EPAS1: variants seen among roughly 807,000 people sequenced by gnomAD.
EPAS1 encodes endothelial PAS domain-containing protein 1.
A neutral mutation model predicts 87.9 loss-of-function variants in EPAS1; 23 were observed. That is an observed-to-expected ratio of 0.26 (90% CI 0.19 to 0.37). The LOEUF (loss-of-function observed/expected upper bound fraction) is 0.37, where lower values mean the gene tolerates loss of function less well. Ranked by LOEUF, EPAS1 falls within the 10% of genes least tolerant of loss-of-function variation. EPAS1 has a pLI of 1.00. For synonymous variants in EPAS1, 508 were observed against 444.3 expected (o/e 1.14, Z -1.80); for missense variants, 1,138 against 1,120.7 (o/e 1.02, Z -0.22).
At chr2:46,369,461 G>A (rs1051772236) in intron 6 of EPAS1, among the ~76,000 whole-genome samples, 5 of 152,184 alleles carry the variant, frequency 3.3e-5, no homozygotes, top group Admixed American at 1.3e-4. Context: ...CAAATTGTCT[G>A]CCCGTCCTGG....
At chr2:46,325,509 G>A (rs893772978) in intron 1 of EPAS1, among the ~76,000 whole-genome samples, 1 of 152,230 alleles carries the variant, frequency 6.6e-6, no homozygotes. Flanking sequence ...CACTTTGGTG[G>A]TGACCTCCTA....
intron 2 of EPAS1, among the ~76,000 whole-genome samples, chr2:46,354,094 T>G (rs911632113): frequency 6.6e-6 from 1 of 152,192 alleles, no homozygotes; most frequent in African/African-American, 2.4e-5. Context: ...TTGTTCTTCT[T>G]GAGGAATAAC....
At chr2:46,330,344 T>C (rs1341960574) in intron 1 of EPAS1, among the ~76,000 whole-genome samples, 1 of 152,216 alleles carries the variant, frequency 6.6e-6, no homozygotes, top group Non-Finnish European at 1.5e-5. Flanking sequence ...TTCCTACACG[T>C]AGAGCTAGGC....
At chr2:46,363,035 C>T (rs567100122) in intron 6 of EPAS1, among the ~76,000 whole-genome samples, 3 of 147,330 alleles carry the variant, frequency 2.0e-5, no homozygotes, top group South Asian at 2.1e-4. Flanking sequence ...GATGGTGGTT[C>T]AAGAAGAAGA....
intron 1 of EPAS1, among the ~76,000 whole-genome samples, chr2:46,333,515 G>C (rs1683729028): frequency 6.6e-6 from 1 of 152,078 alleles, no homozygotes; most frequent in Non-Finnish European, 1.5e-5. Flanking sequence ...TTAGGGTTTA[G>C]AAGGTCAGAA....
At chr2:46,363,008 GTGGTGGTGGTGA>G (rs1188165711) in intron 6 of EPAS1, among the ~76,000 whole-genome samples, 1 of 107,644 alleles carries the variant, frequency 9.3e-6, no homozygotes, top group Non-Finnish European at 2.0e-5. Context: ...GGTGGTGGTG[GTGGTGGTGGTGA>G]TAATGATGGT....
intron 1 of EPAS1, among the ~76,000 whole-genome samples, chr2:46,343,160 T>C (rs1173181004): frequency 2.6e-5 from 4 of 152,194 alleles, no homozygotes; most frequent in Non-Finnish European, 4.4e-5. Context: ...CCGGCACCTG[T>C]GTCTGCTAAG....
At position 46,377,764 on chromosome 2, in the gene EPAS1, T is replaced by TG. The variant is rs538616021; in HGVS notation, c.1250-123dup. ...GTGTTCCAGCTGAGCCCCAGGGTGT[T>TG]GGGGGGGCCTAGCCCCAGGCATGCC... On this transcript the variant is annotated intron_variant, in intron 9 of 15. Transcript: ENST00000263734. 1,891 of 1,480,854 alleles carry TG rather than the reference T, an allele frequency of 1.3e-3. 13 individuals are homozygous for TG. The highest frequency in any genetic ancestry group is 9.9e-3 in the South Asian group (809 of 81,818). The allele number at this position is 1,480,854 out of a possible 1,614,324, so 91.7% of individuals were successfully genotyped here.
intron 9 of EPAS1, among the ~76,000 whole-genome samples, chr2:46,377,181 T>C (rs909083337): frequency 6.6e-6 from 1 of 152,194 alleles, no homozygotes; most frequent in African/African-American, 2.4e-5. Flanking sequence ...TGGAGTAATG[T>C]TGGGAAGGAT....
At chr2:46,318,777 A>T (rs539250504) in intron 1 of EPAS1, among the ~76,000 whole-genome samples, 1 of 152,350 alleles carries the variant, frequency 6.6e-6, no homozygotes, top group East Asian at 1.9e-4. Context: ...ATTATTAGTT[A>T]TTAATAGTAT....
chr2:46,375,947 G>GTGGTGCC lies in EPAS1; in HGVS notation c.1034+110_1034+111insTGGTGCC. The GTGGTGCC allele has an allele frequency of 6.8e-7, 1 of 1,465,176 alleles. No individual in the cohort carries two copies. The highest frequency in any genetic ancestry group is 9.5e-7 in the Non-Finnish European group (1 of 1,050,116). 90.8% of individuals were successfully genotyped at this position (1,465,176 alleles called of 1,614,324 possible). ...GATGCCAGGCCTCTCAGCGCCCTGG[G>GTGGTGCC]CACCACCTCAGGGAGGTCTTGCAGG... On this transcript the variant is annotated intron_variant, in intron 8 of 15. Transcript: ENST00000263734. The surrounding 1 kb of genome is among the most constrained non-coding windows in gnomAD (Gnocchi z 4.1).
In EPAS1 at chr2:46,308,452, CT is replaced by C. The variant is rs145820702; in HGVS notation, c.26+10523del. Among the ~76,000 whole-genome samples the C allele has an allele frequency of 5.5e-5, 5 of 90,946 alleles. No individual in the cohort carries two copies. The East Asian group carries it at 9.3e-4, about 17-fold the overall frequency. 59.7% of individuals were successfully genotyped at this position (90,946 alleles called of 152,430 possible). ...CTGATGTGCCCTAATACCTTGCTTG[CT>C]TTTTTTTGGGGGGGGGGGCTCTGAA... On this transcript the variant is annotated intron_variant, in intron 1 of 15. Transcript: ENST00000263734.
At chr2:46,322,100 T>G (rs1315049722) in intron 1 of EPAS1, among the ~76,000 whole-genome samples, 1 of 152,298 alleles carries the variant, frequency 6.6e-6, no homozygotes, top group South Asian at 2.1e-4. Flanking sequence ...TACGGAATCC[T>G]GGGCCCACTT....
Position 46,378,039 on chromosome 2 carries a change from G to A in EPAS1, c.1395G>A (p.Pro465=), listed in dbSNP as rs375982620. The A allele has an allele frequency of 1.7e-5, 28 of 1,605,812 alleles. No homozygotes were observed. Among genetic ancestry groups the A allele is most frequent in the African/African-American group, 2.7e-5 (2 of 74,744 alleles). ...PAFTVPQAAA[P]GSTTPSATSS... ...TCACCGTGCCCCAGGCAGCTGCCCCGGGCAGCACCACCCCCAGTGCCACCA... is the reference window on the plus strand; with the variant it reads ...TCACCGTGCCCCAGGCAGCTGCCCCAGGCAGCACCACCCCCAGTGCCACCA... Residue 465 remains proline, a synonymous_variant, in exon 10 of 16, where the codon CCG becomes CCA. Coordinates refer to ENST00000263734, the MANE Select transcript of EPAS1 (RefSeq NM_001430.5).
chr2:46,337,842 C>T (rs945503288), intron 1 of EPAS1, among the ~76,000 whole-genome samples: 7 of 152,126 alleles, frequency 4.6e-5, no homozygotes, highest in Admixed American at 4.6e-4. Context: ...ACTCCGCAAG[C>T]AAAGCACAAA....
At chr2:46,339,929 C>T (rs573102777) in intron 1 of EPAS1, among the ~76,000 whole-genome samples, 1 of 152,304 alleles carries the variant, frequency 6.6e-6, no homozygotes, top group East Asian at 1.9e-4. Flanking sequence ...AGTTAATCAC[C>T]TCCCAACGGT....
chr2:46,359,757 G>A (rs920389882), intron 4 of EPAS1, among the ~76,000 whole-genome samples: 8 of 152,204 alleles, frequency 5.3e-5, no homozygotes, highest in Non-Finnish European at 7.3e-5. Context: ...ATGATGCTGG[G>A]TAGGGGGCAG....
intron 2 of EPAS1, among the ~76,000 whole-genome samples, chr2:46,348,985 T>G (rs1684090027): frequency 1.3e-5 from 2 of 152,226 alleles, no homozygotes; most frequent in South Asian, 4.1e-4. Context: ...CAGGTTAAGA[T>G]TGCTCAAAGT....
At chr2:46,342,754 TA>T (rs1683936379) in intron 1 of EPAS1, among the ~76,000 whole-genome samples, 1 of 152,194 alleles carries the variant, frequency 6.6e-6, no homozygotes, top group Non-Finnish European at 1.5e-5. Context: ...AGCAATGACC[TA>T]AAAGTTAAGA....
Sources: allele counts gnomAD v4.1 joint callset (sites outside exome capture counted in the v4.1 genomes callset), GRCh38; gene constraint gnomAD v4.1.1; non-coding constraint Gnocchi (gnomAD v3.1); transcripts MANE v1.5; gene names NCBI Gene and HGNC (gene_info 2026-07-23, HGNC 2026-07-21).